Variants in TCOF1 observed in about 807,000 individuals in gnomAD.
The protein encoded by TCOF1 is treacle ribosome biogenesis factor 1.
Under a neutral mutation model 149.0 loss-of-function variants are expected in TCOF1, and 33 were observed. The ratio of observed to expected loss-of-function variants is 0.22; its 90% CI spans 0.17 to 0.30. The LOEUF is 0.30. Among genes scored for constraint, TCOF1 ranks in the 10% least tolerant of loss-of-function variants. TCOF1 has a pLI of 1.00. For synonymous variants in TCOF1, 789 were observed against 738.8 expected (o/e 1.07, Z -1.10); for missense variants, 1,728 against 1,840.7 (o/e 0.94, Z 1.12).
chr5:150,388,667 G>A (rs1311478569), intron 18 of TCOF1, among the ~76,000 whole-genome samples: 1 of 152,228 alleles, frequency 6.6e-6, no homozygotes, highest in Non-Finnish European at 1.5e-5. Context: ...GACGGGTGCA[G>A]TGGCTCACGC....
intron 17 of TCOF1, among the ~76,000 whole-genome samples, chr5:150,383,415 C>A (rs554724441): frequency 6.6e-6 from 1 of 152,230 alleles, no homozygotes; most frequent in African/African-American, 2.4e-5. Context: ...GCTCTTCCAC[C>A]CAACAGCCCC....
At position 150,387,916 on chromosome 5, in the gene TCOF1, T is replaced by A; in HGVS notation, c.2874T>A (p.Pro958=). The A allele has an allele frequency of 6.2e-7, 1 of 1,613,990 alleles. No homozygotes were observed. The highest frequency in any genetic ancestry group is 8.5e-7 in the Non-Finnish European group (1 of 1,180,028). ...TGTTTTTCAAGGTGATTAAACCCCC[T>A]CTGATTTTTGTCGACCCTAATCGTA... The part of the protein sequence containing the change: ...AVTSAQVIKP[P]LIFVDPNRSP... Residue 958 remains proline, a synonymous_variant, in exon 18 of 27, where the codon CCT becomes CCA. Coordinates refer to ENST00000643257, the MANE Select transcript of TCOF1 (RefSeq NM_001371623.1).
In TCOF1 at chr5:150,399,096, A is replaced by G. The variant is rs76870219; in HGVS notation, c.*22+26A>G. 4,965 of 1,613,972 alleles carry G rather than the reference A, an allele frequency of 3.1e-3. 149 individuals carry two copies. In the African/African-American group the frequency reaches 0.058, roughly 19 times the overall value. On this transcript the variant is annotated intron_variant, in intron 26 of 26. Transcript: ENST00000643257. ...GTACGCTTCCCAATCATTCCTGAGC[A>G]TTCAGGGTGGGAGGACAGCTCTGGT...
Position 150,393,379 on chromosome 5 carries a change from T to G in TCOF1, c.3611T>G (p.Leu1204Arg). 1.2e-6 allele frequency: 2 copies of G among 1,613,962 alleles called. No homozygotes were observed. Among genetic ancestry groups the G allele is most frequent in the Non-Finnish European group, 1.7e-6 (2 of 1,179,990 alleles). Residue 1204 changes from leucine (L) to arginine (R), a missense_variant, in exon 23 of 27, where the codon CTC becomes CGC. By Grantham distance (102) the Leu-to-Arg change is moderately radical. Coordinates refer to ENST00000643257, the MANE Select transcript of TCOF1 (RefSeq NM_001371623.1). The stretch of plus-strand genomic sequence containing the variant: ...CACAATGGGCTTCTTCAGTCTCTCC[T>G]CTCAGGTTATATGACCCCTGGACTA... ...DDVVAPSQSL[L>R]SGYMTPGLTP...
At position 150,397,130 on chromosome 5, in the gene TCOF1, C is replaced by T. The variant is rs566160394; in HGVS notation, c.4345+288C>T. ...GCCGAGATCACGCATTGCACTCCAGCCTGGGTGACAGAGCAAGACTGTCAA... is the reference window on the plus strand; with the variant it reads ...GCCGAGATCACGCATTGCACTCCAGTCTGGGTGACAGAGCAAGACTGTCAA... On this transcript the variant is annotated intron_variant, in intron 24 of 26. Coordinates refer to ENST00000643257, the MANE Select transcript of TCOF1 (RefSeq NM_001371623.1). Among the ~76,000 whole-genome samples the T allele has an allele frequency of 2.0e-3, 254 of 125,442 alleles. 1 individual carries two copies. The highest frequency in any genetic ancestry group is 7.5e-3 in the African/African-American group (248 of 33,080). The allele number at this position is 125,442 out of a possible 152,430, so 82.3% of individuals were successfully genotyped here.
chr5:150,382,914 A>G lies in TCOF1; in HGVS notation c.2859+3182A>G. 9.6e-6 allele frequency: 6 copies of G among 624,882 alleles called. No homozygotes were observed. In the South Asian group the frequency reaches 1.2e-4, roughly 13 times the overall value. 38.7% of individuals were successfully genotyped at this position (624,882 alleles called of 1,614,324 possible). ...CAGTGGCTGTGGGGCAGGTCAGGCC[A>G]GCAGGTATCCCTGTGCATGTGCAGG... On this transcript the variant is annotated intron_variant, in intron 17 of 26. Transcript: ENST00000643257.
Position 150,369,618 on chromosome 5 carries a change from C to T in TCOF1, c.639+16C>T. ...AGACGTGGAGGTAATTGCCACCCATCCCTAGGAGTTGCCCTCTCCCAGCCT... is the reference window on the plus strand; with the variant it reads ...AGACGTGGAGGTAATTGCCACCCATTCCTAGGAGTTGCCCTCTCCCAGCCT... On this transcript the variant is annotated intron_variant, in intron 6 of 26. Transcript: ENST00000643257. The T allele has an allele frequency of 6.2e-7, 1 of 1,613,934 alleles. No individual in the cohort carries two copies. Among genetic ancestry groups the T allele is most frequent in the Non-Finnish European group, 8.5e-7 (1 of 1,179,936 alleles).
At chr5:150,379,500 G>C in intron 16 of TCOF1, 32 bp from the exon 17 acceptor site, 1 of 1,613,276 alleles carries the variant, frequency 6.2e-7, no homozygotes, top group Non-Finnish European at 8.5e-7. Context: ...CACCCTCCAG[G>C]CTCTCTCCTC....
chr5:150,390,127 C>G, intron 19 of TCOF1, 104 bp downstream of exon 19: 1 of 1,523,188 alleles, frequency 6.6e-7, no homozygotes, highest in Non-Finnish European at 8.9e-7. Flanking sequence ...GCTGTCACGC[C>G]CACACTCCAG....
Position 150,400,074 on chromosome 5 carries a change from ACCT to A in TCOF1, c.*292_*294del, listed in dbSNP as rs1461906012. 2 of 151,808 alleles carry A rather than the reference ACCT, an allele frequency of 1.3e-5. No homozygotes were observed. Among genetic ancestry groups the A allele is most frequent in the Non-Finnish European group, 2.9e-5 (2 of 68,040 alleles). 9.4% of individuals were successfully genotyped at this position (151,808 alleles called of 1,614,324 possible). A position where few individuals can be genotyped will look rare whatever the true frequency, so the allele number is the denominator to read the frequency against. On this transcript the variant is annotated 3_prime_UTR_variant, in exon 27 of 27. Transcript: ENST00000643257. ...TACAGTATATGTATTTTTTTAAGTGACCTCCTCTCCTTCCACAGACCCCACATG... is the reference window on the plus strand; with the variant it reads ...TACAGTATATGTATTTTTTTAAGTGACCTCTCCTTCCACAGACCCCACATG...
intron 17 of TCOF1, chr5:150,383,953 G>T: frequency 6.9e-7 from 1 of 1,449,778 alleles, no homozygotes; most frequent in Non-Finnish European, 9.0e-7. Context: ...GTGAACCCTG[G>T]CCCTTCCATC....
rs762899591 is a variant in TCOF1 at position 150,391,614 on chromosome 5, G to A, written c.3254G>A (p.Ser1085Asn). The A allele has an allele frequency of 6.2e-7, 1 of 1,614,136 alleles. No individual in the cohort carries two copies. Among genetic ancestry groups the A allele is most frequent in the South Asian group, 1.1e-5 (1 of 91,090 alleles). ...AALKVLAQKA[S>N]EAQPPVARTQ... The stretch of plus-strand genomic sequence containing the variant: ...CTGAAGGTCCTCGCCCAGAAAGCCA[G>A]TGAGGCTCAGCCTCCTGTTGCCAGG... The change falls in exon 20 of 27, where the codon AGT becomes AAT. Residue 1085 changes from serine (S) to asparagine (N), a missense_variant. Ser to Asn is a conservative substitution (Grantham distance 46). Around this residue, in one of 2 missense-constraint regions of TCOF1, gnomAD observed 1,696 missense variants for 1,765.4 expected, o/e 0.96. Coordinates refer to ENST00000643257, the MANE Select transcript of TCOF1 (RefSeq NM_001371623.1).
chr5:150,357,836 G>T lies in TCOF1; in HGVS notation c.90G>T (p.Val30=), dbSNP rs1204199287. 6.5e-7 allele frequency: 1 copy of T among 1,549,756 alleles called. No individual in the cohort carries two copies. Among genetic ancestry groups the T allele is most frequent in the Non-Finnish European group, 8.7e-7 (1 of 1,146,522 alleles). ...GCTATGTGCGTGCGGCGCGGGAAGT[G>T]AAGGAGCAGAGCGGCCAGGTAAGCG... ...RAGYVRAARE[V]KEQSGQKCFL... is the part of the protein sequence containing the mutation. The change falls in exon 1 of 27, where the codon GTG becomes GTT. Residue 30 remains valine (V), a synonymous_variant. Transcript: ENST00000643257.
chr5:150,395,613 G>A (rs556207626), intron 23 of TCOF1, among the ~76,000 whole-genome samples: 7 of 151,960 alleles, frequency 4.6e-5, no homozygotes, highest in African/African-American at 1.7e-4. Context: ...CTAAACAAAG[G>A]CTGCACCAGA....
rs1437629829 is a variant in TCOF1, at chr5:150,384,012, T to G, written c.2860-3890T>G. The G allele has an allele frequency of 3.6e-6, 5 of 1,380,106 alleles. No homozygotes were observed. The African/African-American group carries it at 7.3e-5, about 20-fold the overall frequency. The allele number at this position is 1,380,106 out of a possible 1,614,324, so 85.5% of individuals were successfully genotyped here. ...CTCTAGCCCCAAGCTCCCAGAAGCT[T>G]CTGCCAGGCACCTCAGAGCACCAGC... On this transcript the variant is annotated intron_variant, in intron 17 of 26. Transcript: ENST00000643257.
Position 150,374,116 on chromosome 5 carries a change from G to A in TCOF1, c.871-58G>A. On this transcript the variant is annotated intron_variant, in intron 7 of 26. Coordinates refer to ENST00000643257, the MANE Select transcript of TCOF1 (RefSeq NM_001371623.1). ...TAAGGCCTCTGGACTTTATCCTAAA[G>A]GCATCACCAGAGAGTTTTCACAAGC... 6 of 1,551,870 alleles carry A rather than the reference G, an allele frequency of 3.9e-6. No individual in the cohort carries two copies. The Admixed American group carries it at 7.3e-5, about 19-fold the overall frequency.
At chr5:150,383,808 A>C (rs779044782) in intron 17 of TCOF1, 47 of 1,551,544 alleles carry the variant, frequency 3.0e-5, no homozygotes, top group Non-Finnish European at 4.0e-5. Flanking sequence ...GCATACCTTC[A>C]TGTGCTCCAC....
At chr5:150,375,300 C>A in intron 10 of TCOF1, 39 bp from the exon 11 acceptor site, 1 of 1,606,782 alleles carries the variant, frequency 6.2e-7, no homozygotes, top group Non-Finnish European at 8.5e-7. Context: ...CATTCTCCTT[C>A]TGGACTCCCT....
At chr5:150,390,425 C>T (rs532368013) in intron 19 of TCOF1, among the ~76,000 whole-genome samples, 1 of 152,164 alleles carries the variant, frequency 6.6e-6, no homozygotes, top group Non-Finnish European at 1.5e-5. Context: ...TTGGTCCTTG[C>T]CTGAATCTAA....
Sources: allele counts gnomAD v4.1 joint callset (sites outside exome capture counted in the v4.1 genomes callset), GRCh38; gene constraint gnomAD v4.1.1; regional missense constraint gnomAD v4.1.1; transcripts MANE v1.5; gene names NCBI Gene and HGNC (gene_info 2026-07-23, HGNC 2026-07-21).